CFAP221: variants seen among roughly 807,000 people sequenced by gnomAD.
The protein encoded by CFAP221 is cilia and flagella associated protein 221, also known as cilia- and flagella-associated protein 221.
CFAP221 carries 97 observed loss-of-function variants against 113.1 expected under a neutral mutation model. The observed-to-expected ratio is 0.86, with a 90% CI of 0.73 to 1.02. The LOEUF (loss-of-function observed/expected upper bound fraction) is 1.02. Among genes scored for constraint, CFAP221 ranks in the 50% least tolerant of loss-of-function variants. CFAP221 has a pLI of 0.00. For missense variants in CFAP221, 1,025 were observed against 1,013.4 expected (o/e 1.01, Z -0.16); for synonymous variants, 331 against 354.4 (o/e 0.93, Z 0.74).
chr2:119,650,430 C>G (rs967612432), intron 22 of CFAP221, among the ~76,000 whole-genome samples: 2 of 152,242 alleles, frequency 1.3e-5, no homozygotes, highest in African/African-American at 4.8e-5. Context: ...TTCCGCCAGG[C>G]CCACTGGGGA....
At chr2:119,639,392 C>T (rs1687334571) in intron 20 of CFAP221, among the ~76,000 whole-genome samples, 1 of 152,226 alleles carries the variant, frequency 6.6e-6, no homozygotes, top group African/African-American at 2.4e-5. Context: ...GCTCGCCTCC[C>T]ACGTGGCGCG....
intron 17 of CFAP221, 110 bp downstream of exon 17, chr2:119,630,065 G>A (rs543416537): frequency 4.6e-6 from 4 of 865,230 alleles, no homozygotes; most frequent in South Asian, 1.7e-5. Context: ...AGATTAGACT[G>A]TGTGGCACAC....
At chr2:119,614,825 A>G (rs569930447) in intron 13 of CFAP221, among the ~76,000 whole-genome samples, 1 of 152,358 alleles carries the variant, frequency 6.6e-6, no homozygotes, top group East Asian at 1.9e-4. Context: ...TTTCTTTGCT[A>G]GGTTTGCCAT....
chr2:119,604,847 C>T (rs767142120), intron 9 of CFAP221, 29 bp from the exon 10 acceptor site: 1 of 1,612,160 alleles, frequency 6.2e-7, no homozygotes, highest in African/African-American at 1.3e-5. Flanking sequence ...GGCAGACTAA[C>T]TGATTTCCCT....
At chr2:119,595,196 T>C (rs965306249) in intron 7 of CFAP221, among the ~76,000 whole-genome samples, 1 of 152,238 alleles carries the variant, frequency 6.6e-6, no homozygotes, top group African/African-American at 2.4e-5. Flanking sequence ...TTGGTCTCTT[T>C]TATCTCTGTC....
chr2:119,622,935 A>G (rs71424322), intron 14 of CFAP221, among the ~76,000 whole-genome samples: 1,663 of 152,336 alleles, frequency 0.011, 12 homozygotes, highest in Non-Finnish European at 0.017. Context: ...AAAAGCTGGA[A>G]GCATTCTCTT....
chr2:119,607,876 G>T (rs1201094204), intron 11 of CFAP221, among the ~76,000 whole-genome samples: 1 of 152,182 alleles, frequency 6.6e-6, no homozygotes, highest in Non-Finnish European at 1.5e-5. Context: ...CTCATTGAAT[G>T]GATATGCAAC....
Position 119,642,562 on chromosome 2 carries a change from A to G in CFAP221, c.2225+2690A>G, listed in dbSNP as rs1411680744. Among the ~76,000 whole-genome samples the G allele has an allele frequency of 7.4e-5, 8 of 108,668 alleles. No homozygotes were observed. In the Admixed American group the frequency reaches 9.6e-4, roughly 13 times the overall value. The allele number at this position is 108,668 out of a possible 152,430, so 71.3% of individuals were successfully genotyped here. A position where few individuals can be genotyped will look rare whatever the true frequency, so the allele number is the denominator to read the frequency against. ...TTTTTTTTTTTTTTTTTTTTTTTAG[A>G]TGAGATATCACTATCTTCCACGCTG... is the stretch of plus-strand genomic sequence containing the variant. On this transcript the variant is annotated intron_variant, in intron 21 of 23. Transcript: ENST00000413369.
At chr2:119,590,915 G>A (rs1390903637) in intron 7 of CFAP221, among the ~76,000 whole-genome samples, 1 of 152,228 alleles carries the variant, frequency 6.6e-6, no homozygotes, top group African/African-American at 2.4e-5. Context: ...AAGGGAGGGT[G>A]AGACCAGATC....
At position 119,638,835 on chromosome 2, in the gene CFAP221, C is replaced by A. The variant is rs368056486; in HGVS notation, c.2133+418C>A. ...GTGGCTCCAAGGAATTACTTCCCCCCCAGGGAACCACCCTGACCTGAATAT... is the reference window on the plus strand; with the variant it reads ...GTGGCTCCAAGGAATTACTTCCCCCACAGGGAACCACCCTGACCTGAATAT... On this transcript the variant is annotated intron_variant, in intron 20 of 23. Transcript: ENST00000413369. Among the ~76,000 whole-genome samples, 6 of 152,128 alleles carry A rather than the reference C, an allele frequency of 3.9e-5. No individual in the cohort carries two copies. The East Asian group carries it at 7.7e-4, about 20-fold the overall frequency.
intron 13 of CFAP221, among the ~76,000 whole-genome samples, chr2:119,615,174 G>T (rs1353057780): frequency 2.0e-5 from 3 of 152,204 alleles, no homozygotes; most frequent in Non-Finnish European, 4.4e-5. Context: ...TAGATACACT[G>T]GTGCCCAGGA....
At chr2:119,580,209 T>G (rs1240354433) in intron 6 of CFAP221, 1 of 152,238 alleles carries the variant, frequency 6.6e-6, no homozygotes, top group Non-Finnish European at 1.5e-5. Context: ...GAGTGAAGAT[T>G]GACTGCATAC....
chr2:119,627,558 C>A, intron 15 of CFAP221, 95 bp from the exon 16 acceptor site: 1 of 1,177,578 alleles, frequency 8.5e-7, no homozygotes, highest in Non-Finnish European at 1.2e-6. Flanking sequence ...CACCCACCCA[C>A]TAATTGGTAT....
At chr2:119,647,366 G>A (rs1687874680) in intron 22 of CFAP221, among the ~76,000 whole-genome samples, 1 of 152,182 alleles carries the variant, frequency 6.6e-6, no homozygotes, top group Non-Finnish European at 1.5e-5. Context: ...TGAAAGATAG[G>A]TAGGACTTGG....
At chr2:119,603,676 T>C (rs1288417187) in intron 8 of CFAP221, among the ~76,000 whole-genome samples, 1 of 152,230 alleles carries the variant, frequency 6.6e-6, no homozygotes, top group African/African-American at 2.4e-5. Context: ...CTTAAAGAAA[T>C]GCTTCCCCTA....
chr2:119,643,872 G>A (rs1465800093), intron 21 of CFAP221, among the ~76,000 whole-genome samples: 3 of 151,102 alleles, frequency 2.0e-5, no homozygotes, highest in Non-Finnish European at 4.4e-5. Context: ...CAAAGCAACA[G>A]CCAGAAACAT....
intron 6 of CFAP221, among the ~76,000 whole-genome samples, chr2:119,567,195 C>CA (rs1257802168): frequency 6.6e-6 from 1 of 152,172 alleles, no homozygotes; most frequent in African/African-American, 2.4e-5. Flanking sequence ...TGGGTCTGGA[C>CA]AAATGTGTGG....
rs1269483739 is a variant in CFAP221 at position 119,546,303 on chromosome 2, C to T, written c.139+33C>T. The T allele has an allele frequency of 7.2e-6, 11 of 1,526,612 alleles. No homozygotes were observed. The East Asian group carries it at 7.3e-5, about 10-fold the overall frequency. The allele number at this position is 1,526,612 out of a possible 1,614,324, so 94.6% of individuals were successfully genotyped here. On this transcript the variant is annotated intron_variant, in intron 2 of 23. Transcript: ENST00000413369. ...GCTAGAAGACAGATTTGCTTTACAGCTCACATCTTCCCAGGCGAGCCAAAG... is the reference window on the plus strand; with the variant it reads ...GCTAGAAGACAGATTTGCTTTACAGTTCACATCTTCCCAGGCGAGCCAAAG...
chr2:119,650,181 T>A (rs1410809860), intron 22 of CFAP221, among the ~76,000 whole-genome samples: 1 of 152,234 alleles, frequency 6.6e-6, no homozygotes, highest in Non-Finnish European at 1.5e-5. Context: ...AAACACATAC[T>A]ATATTGATAG....
Sources: allele counts gnomAD v4.1 joint callset (sites outside exome capture counted in the v4.1 genomes callset), GRCh38; gene constraint gnomAD v4.1.1; transcripts MANE v1.5; gene names NCBI Gene and HGNC (gene_info 2026-07-23, HGNC 2026-07-21).